The following PAF1 variants were observed in gnomAD, a reference collection of about 807,000 sequenced individuals.
PAF1 encodes the protein RNA polymerase II-associated factor 1 homolog.
PAF1 carries 31 observed loss-of-function variants against 68.4 expected under a neutral mutation model. The ratio of observed to expected loss-of-function variants is 0.45; its 90% CI spans 0.34 to 0.61. The LOEUF (loss-of-function observed/expected upper bound fraction) is 0.61. PAF1 is among the 20% of genes least tolerant of loss of function. The pLI is 0.01. For missense variants in PAF1, 435 were observed against 692.9 expected (o/e 0.63, Z 4.18); for synonymous variants, 256 against 240.5 (o/e 1.06, Z -0.60).
rs1200017579 is a variant in PAF1 at position 39,389,684 on chromosome 19, G to A, written c.248C>T (p.Thr83Ile). Residue 83 changes from threonine (T) to isoleucine (I), a missense_variant, in exon 4 of 14, where the codon ACC (threonine) becomes ATC (isoleucine). Physicochemically the swap from Thr to Ile is moderately conservative, Grantham distance 89. This residue lies in a region of PAF1 where 77 missense variants were observed against 118.2 expected (regional missense o/e 0.65). Transcript: ENST00000221265. This position sits in a 1 kb window ranked among gnomAD's most constrained non-coding sequence, Gnocchi z 5.3. Reference sequence around the variant, plus strand: ...GGTGTCAGGATTGATGAGATCGATGGTGACCCCCAGGTCTGGCTCAGTCAG... The same window carrying A: ...GGTGTCAGGATTGATGAGATCGATGATGACCCCCAGGTCTGGCTCAGTCAG... ...DLLTEPDLGVTIDLINPDTYR... is the reference protein window; with the variant it reads ...DLLTEPDLGVIIDLINPDTYR... The A allele has an allele frequency of 6.2e-7, 1 of 1,614,122 alleles. No homozygotes were observed.
chr19:39,387,139 T>C (rs1011795112), intron 11 of PAF1: 4 of 428,780 alleles, frequency 9.3e-6, no homozygotes, highest in Admixed American at 6.4e-5. Context: ...CAAACGTACA[T>C]AGTATAGCCT....
intron 11 of PAF1, 86 bp downstream of exon 11, chr19:39,388,253 C>A: frequency 7.3e-7 from 1 of 1,364,766 alleles, no homozygotes; most frequent in African/African-American, 1.4e-5. Context: ...TTCTTAGGTA[C>A]AAATGACCTC....
In PAF1 at chr19:39,386,543, G is replaced by A. The variant is rs368193677; in HGVS notation, c.1122C>T (p.His374=). 35 of 1,613,900 alleles carry A rather than the reference G, an allele frequency of 2.2e-5. No homozygotes were observed. Among genetic ancestry groups the A allele is most frequent in the Admixed American group, 6.7e-5 (4 of 59,990 alleles). The change falls in exon 13 of 14, where the codon CAC becomes CAT. Residue 374 remains histidine, a synonymous_variant. Coordinates refer to ENST00000221265, the MANE Select transcript of PAF1 (RefSeq NM_019088.4). The surrounding 1 kb of genome is among the most constrained non-coding windows in gnomAD (Gnocchi z 6.1). Reference sequence around the variant, plus strand: ...CCTCTTCCTCTTCCTCCTCCGGTTCGTGGTTTTCTAGCTGGGCCTTCCGTG... The same window carrying A: ...CCTCTTCCTCTTCCTCCTCCGGTTCATGGTTTTCTAGCTGGGCCTTCCGTG... ...QEARKAQLEN[H]EPEEEEEEEM...
chr19:39,386,862 C>T lies in PAF1; in HGVS notation c.987-63G>A, dbSNP rs907091735. The T allele has an allele frequency of 3.6e-6, 4 of 1,106,518 alleles. No individual in the cohort carries two copies. In the African/African-American group the frequency reaches 6.1e-5, roughly 17 times the overall value. 68.5% of individuals were successfully genotyped at this position (1,106,518 alleles called of 1,614,324 possible). A position where few individuals can be genotyped will look rare whatever the true frequency, so the allele number is the denominator to read the frequency against. On this transcript the variant is annotated intron_variant, in intron 11 of 13. Transcript: ENST00000221265. This position sits in a 1 kb window ranked among gnomAD's most constrained non-coding sequence, Gnocchi z 6.1. ...GCAGTTAAAGACACACCTCCCACTT[C>T]CCCGCCCCCCAGTGAGGGGTCTGGT...
At position 39,385,936 on chromosome 19, in the gene PAF1, A is replaced by G; in HGVS notation, c.*55T>C. On this transcript the variant is annotated 3_prime_UTR_variant, in exon 14 of 14. Coordinates refer to ENST00000221265, the MANE Select transcript of PAF1 (RefSeq NM_019088.4). Reference sequence around the variant, plus strand: ...AGGCTCACAAACAGACCACTAGAAAAGTGCTTTGCTGCTCACAATAATGGT... The same window carrying G: ...AGGCTCACAAACAGACCACTAGAAAGGTGCTTTGCTGCTCACAATAATGGT... The G allele has an allele frequency of 6.2e-7, 1 of 1,601,600 alleles. No homozygotes were observed. Among genetic ancestry groups the G allele is most frequent in the Non-Finnish European group, 8.5e-7 (1 of 1,175,692 alleles).
rs1568373861 is a variant in PAF1 at position 39,388,507 on chromosome 19, A to G, written c.858-40T>C. ...ACAGGTTCAGCCCCATTTCTTCCCTATCCCAATCCCCAAAACTTCCCAATC... is the reference window on the plus strand; with the variant it reads ...ACAGGTTCAGCCCCATTTCTTCCCTGTCCCAATCCCCAAAACTTCCCAATC... On this transcript the variant is annotated intron_variant, in intron 10 of 13. Coordinates refer to ENST00000221265, the MANE Select transcript of PAF1 (RefSeq NM_019088.4). 6 of 1,613,940 alleles carry G rather than the reference A, an allele frequency of 3.7e-6. No homozygotes were observed. In the African/African-American group the frequency reaches 4.0e-5, roughly 11 times the overall value.
intron 1 of PAF1, 123 bp downstream of exon 1, chr19:39,390,695 C>T: frequency 9.7e-7 from 1 of 1,033,790 alleles, no homozygotes; most frequent in Non-Finnish European, 1.5e-6. Context: ...AAGGAACCCG[C>T]CCCCTTCGTC....
In PAF1 at chr19:39,390,850, G is replaced by A; in HGVS notation, c.15C>T (p.Ile5=). The A allele has an allele frequency of 6.3e-7, 1 of 1,586,782 alleles. No homozygotes were observed. Among genetic ancestry groups the A allele is most frequent in the Non-Finnish European group, 8.6e-7 (1 of 1,166,372 alleles). ...CATCCTCCCGCTGGGCCTGGGTCTG[G>A]ATGGTGGGCGCCATAGCGACGAGGC... MAPT[I]QTQAQREDGH... is the part of the protein sequence containing the mutation. The change falls in exon 1 of 14, where the codon ATC becomes ATT. Residue 5 remains isoleucine (I), a synonymous_variant. Transcript: ENST00000221265.
chr19:39,385,839 C>T lies in PAF1; in HGVS notation c.*152G>A. The T allele has an allele frequency of 8.7e-7, 1 of 1,152,850 alleles. No homozygotes were observed. Among genetic ancestry groups the T allele is most frequent in the Non-Finnish European group, 1.2e-6 (1 of 826,596 alleles). 71.4% of individuals were successfully genotyped at this position (1,152,850 alleles called of 1,614,324 possible). A position where few individuals can be genotyped will look rare whatever the true frequency, so the allele number is the denominator to read the frequency against. On this transcript the variant is annotated 3_prime_UTR_variant, in exon 14 of 14. Transcript: ENST00000221265. ...GCTGGGCTGAATGACATCATAGGGG[C>T]TGGGAGGGGAAGTAAAGAGAAGTTG...
In PAF1 at chr19:39,390,988, A is replaced by G. The variant is rs868571773; in HGVS notation, c.-124T>C. On this transcript the variant is annotated 5_prime_UTR_variant, in exon 1 of 14. Transcript: ENST00000221265. The stretch of plus-strand genomic sequence containing the variant: ...CCCAGCTTGGCGCCGCTCCCCGCGG[A>G]AAGTGGGTTGAGATGAGGTGGGCGG... The G allele has an allele frequency of 2.0e-6, 2 of 1,006,620 alleles. No homozygotes were observed. Among genetic ancestry groups the G allele is most frequent in the Middle Eastern group, 6.3e-4 (2 of 3,170 alleles). 62.4% of individuals were successfully genotyped at this position (1,006,620 alleles called of 1,614,324 possible).
At position 39,390,287 on chromosome 19, in the gene PAF1, G is replaced by C. The variant is rs750171029; in HGVS notation, c.50C>G (p.Pro17Arg). ...TQAQREDGHR[P>R]NSHRTLPERS... ...CTCAGGCAGAGTCCGGTGGGAATTG[G>C]GCCTAGTGGAGAAGAAAGAAACAGT... The change falls in exon 2 of 14, where the codon CCC (proline) becomes CGC (arginine). Residue 17 changes from proline (P) to arginine (R), a missense_variant and splice_region_variant. By Grantham distance (103) the Pro-to-Arg change is moderately radical. This residue lies in a region of PAF1 where 38 missense variants were observed against 33.9 expected (regional missense o/e 1.12). Coordinates refer to ENST00000221265, the MANE Select transcript of PAF1 (RefSeq NM_019088.4). 1.2e-6 allele frequency: 2 copies of C among 1,612,228 alleles called. No individual in the cohort carries two copies. Among genetic ancestry groups the C allele is most frequent in the Non-Finnish European group, 1.7e-6 (2 of 1,179,110 alleles).
rs765713138 is a variant in PAF1 at position 39,389,123 on chromosome 19, A to G, written c.537T>C (p.Ile179=). The stretch of plus-strand genomic sequence containing the variant: ...TCTGGGCATCCTCAAAAGTCTTCTC[A>G]ATGGCTGTGATCTGGCTATCCCTGT... ...YKDRDSQITA[I]EKTFEDAQKS... Residue 179 remains isoleucine, a synonymous_variant, in exon 7 of 14, where the codon ATT becomes ATC. Coordinates refer to ENST00000221265, the MANE Select transcript of PAF1 (RefSeq NM_019088.4). The surrounding 1 kb of genome is among the most constrained non-coding windows in gnomAD (Gnocchi z 5.3). The G allele has an allele frequency of 1.9e-6, 3 of 1,614,112 alleles. No individual in the cohort carries two copies. The highest frequency in any genetic ancestry group is 1.7e-6 in the Non-Finnish European group (2 of 1,179,980).
rs1315053931 is a variant in PAF1, at chr19:39,386,805, G to A, written c.987-6C>T. 1 of 1,604,372 alleles carries A rather than the reference G, an allele frequency of 6.2e-7. No individual in the cohort carries two copies. Reference sequence around the variant, plus strand: ...GGCGCTTACTAAGGCGGACCCTGCAGGGGGTGAATTTGGGAGAGAGAAGTG... The same window carrying A: ...GGCGCTTACTAAGGCGGACCCTGCAAGGGGTGAATTTGGGAGAGAGAAGTG... On this transcript the variant is annotated splice_region_variant and splice_polypyrimidine_tract_variant and intron_variant, in intron 11 of 13. Coordinates refer to ENST00000221265, the MANE Select transcript of PAF1 (RefSeq NM_019088.4). The surrounding 1 kb of genome is among the most constrained non-coding windows in gnomAD (Gnocchi z 6.1).
intron 2 of PAF1, 25 bp downstream of exon 2, chr19:39,390,235 C>G (rs368373228): frequency 6.2e-7 from 1 of 1,613,842 alleles, no homozygotes; most frequent in East Asian, 2.2e-5. Flanking sequence ...CCCCACCGCT[C>G]CTGGGAAAGC....
In PAF1 at chr19:39,386,562, T is replaced by C. The variant is rs990816879; in HGVS notation, c.1103A>G (p.Lys368Arg). 1 of 1,614,126 alleles carries C rather than the reference T, an allele frequency of 6.2e-7. No homozygotes were observed. Among genetic ancestry groups the C allele is most frequent in the Non-Finnish European group, 8.5e-7 (1 of 1,179,996 alleles). Residue 368 changes from lysine to arginine, a missense_variant, in exon 13 of 14, where the codon AAG becomes AGG. Transcript: ENST00000221265. The surrounding 1 kb of genome is among the most constrained non-coding windows in gnomAD (Gnocchi z 6.1). ...EKELEAQEAR[K>R]AQLENHEPEE... The stretch of plus-strand genomic sequence containing the variant: ...CGGTTCGTGGTTTTCTAGCTGGGCC[T>C]TCCGTGCCTCCTGGAAGCAGCAAGA...
At chr19:39,390,377 G>GAA (rs2078352886) in intron 1 of PAF1, 88 bp from the exon 2 acceptor site, 16 of 1,288,688 alleles carry the variant, frequency 1.2e-5, no homozygotes, top group Non-Finnish European at 1.5e-5. Context: ...TCAAAAGGTA[G>GAA]GAGGGGTGAC....
chr19:39,386,659 T>C lies in PAF1; in HGVS notation c.1092+35A>G. On this transcript the variant is annotated intron_variant, in intron 12 of 13. Coordinates refer to ENST00000221265, the MANE Select transcript of PAF1 (RefSeq NM_019088.4). The surrounding 1 kb of genome is among the most constrained non-coding windows in gnomAD (Gnocchi z 6.1). ...CCTCACCTACAACCACCACCCTCCC[T>C]GCCATGGGTGCCCTGAGCCAGTGGT... 6.3e-7 allele frequency: 1 copy of C among 1,592,174 alleles called. No homozygotes were observed.
chr19:39,390,986 G>A lies in PAF1; in HGVS notation c.-122C>T, dbSNP rs1331207526. 3.9e-6 allele frequency: 4 copies of A among 1,016,994 alleles called. No homozygotes were observed. Among genetic ancestry groups the A allele is most frequent in the Non-Finnish European group, 5.7e-6 (4 of 700,408 alleles). The allele number at this position is 1,016,994 out of a possible 1,614,324, so 63.0% of individuals were successfully genotyped here. ...GGCCCAGCTTGGCGCCGCTCCCCGC[G>A]GAAAGTGGGTTGAGATGAGGTGGGC... is the stretch of plus-strand genomic sequence containing the variant. On this transcript the variant is annotated 5_prime_UTR_variant, in exon 1 of 14. Transcript: ENST00000221265.
rs1464239194 is a variant in PAF1, at chr19:39,389,354, C to T, written c.389G>A (p.Trp130Ter). The T allele has an allele frequency of 6.2e-7, 1 of 1,614,182 alleles. No individual in the cohort carries two copies. The highest frequency in any genetic ancestry group is 1.1e-5 in the South Asian group (1 of 91,082). Residue 130 changes from tryptophan (W) to a stop codon, truncating the protein, a stop_gained, in exon 6 of 14, where the codon TGG (tryptophan) becomes TAG (stop). Coordinates refer to ENST00000221265, the MANE Select transcript of PAF1 (RefSeq NM_019088.4). LOFTEE classifies it high-confidence loss of function. This position sits in a 1 kb window ranked among gnomAD's most constrained non-coding sequence, Gnocchi z 5.3. ...GGAGATGTACTCTGTCTTTCGCATC[C>T]ATGGCACCACCTTCGCGTGCTGCTG... ...RSQQHAKVVP[W>*]MRKTEYISTE... is the part of the protein sequence containing the mutation.
Sources: gnomAD v4.1 joint callset for allele counts on GRCh38, gnomAD v4.1.1 for gene constraint, gnomAD v4.1.1 regional missense constraint, Gnocchi (gnomAD v3.1) non-coding constraint, MANE v1.5 for transcripts, NCBI Gene and HGNC (gene_info 2026-07-23, HGNC 2026-07-21) for gene names.